Variants in PCDH15 observed in about 807,000 individuals in gnomAD.
PCDH15 encodes protocadherin related 15, also known as protocadherin-15.
A neutral mutation model predicts 178.5 loss-of-function variants in PCDH15; 129 were observed. The observed-to-expected ratio is 0.72, with a 90% CI of 0.63 to 0.84. The LOEUF is 0.84. Ranked by LOEUF, PCDH15 falls within the 40% of genes least tolerant of loss-of-function variation. The probability of loss-of-function intolerance (pLI) is 0.00; values close to 1 mark genes in which losing one functional copy is unlikely to be tolerated. For synonymous variants in PCDH15, 800 were observed against 732.0 expected, an observed-to-expected ratio of 1.09 and a Z score of -1.50; for missense variants, 2,230 against 2,099.9, an observed-to-expected ratio of 1.06 and a Z score of -1.21.
chr10:54,195,354 C>A (rs978970751), intron 11 of PCDH15, among the ~76,000 whole-genome samples: 1 of 151,976 alleles, frequency 6.6e-6, no homozygotes, highest in Admixed American at 6.6e-5. Context: ...GTAGTAACAC[C>A]ATTATTTTTG....
chr10:55,334,182 C>T (rs1844291967), intron 2 of PCDH15, among the ~76,000 whole-genome samples: 2 of 135,984 alleles, frequency 1.5e-5, no homozygotes, highest in South Asian at 4.5e-4. Flanking sequence ...ATTTAGTTTC[C>T]CGTATCTCAT....
intron 2 of PCDH15, among the ~76,000 whole-genome samples, chr10:54,980,847 T>C (rs1839216239): frequency 6.6e-6 from 1 of 152,110 alleles, no homozygotes; most frequent in South Asian, 2.1e-4. Context: ...GCTCTTGAGT[T>C]CATTTTTTCA....
At chr10:55,461,128 A>G (rs1367202880) in intron 2 of PCDH15, among the ~76,000 whole-genome samples, 1 of 152,126 alleles carries the variant, frequency 6.6e-6, no homozygotes, top group Non-Finnish European at 1.5e-5. Context: ...AGGTATTCAC[A>G]CTGATCGGTA....
At chr10:54,837,629 A>G (rs1370636874) in intron 3 of PCDH15, among the ~76,000 whole-genome samples, 5 of 152,174 alleles carry the variant, frequency 3.3e-5, no homozygotes, top group African/African-American at 1.2e-4. Context: ...TAAACTATGT[A>G]AATTAAAATG....
chr10:54,782,026 T>TA (rs1018628368), intron 1 of PCDH15, among the ~76,000 whole-genome samples: 5 of 152,228 alleles, frequency 3.3e-5, no homozygotes, highest in Admixed American at 6.5e-5. Flanking sequence ...TAAGGGGCTT[T>TA]AAAAAAAGCA....
chr10:54,392,187 G>A (rs189657198), intron 3 of PCDH15, among the ~76,000 whole-genome samples: 11 of 151,974 alleles, frequency 7.2e-5, no homozygotes, highest in South Asian at 2.1e-4. Flanking sequence ...TAATTTGGCC[G>A]GGCATGGCGG....
intron 2 of PCDH15, among the ~76,000 whole-genome samples, chr10:55,484,750 T>C (rs1840261579): frequency 1.3e-5 from 2 of 151,714 alleles, no homozygotes; most frequent in Admixed American, 6.6e-5. Flanking sequence ...AGCCAACTGA[T>C]TTTTGCCAAA....
At chr10:53,875,365 T>G (rs1451035370) in intron 26 of PCDH15, among the ~76,000 whole-genome samples, 1 of 151,894 alleles carries the variant, frequency 6.6e-6, no homozygotes, top group Non-Finnish European at 1.5e-5. Flanking sequence ...TTCTATAATT[T>G]ATTAATAGTA....
At chr10:55,177,862 C>T (rs1421627316) in intron 1 of PCDH15, among the ~76,000 whole-genome samples, 1 of 143,462 alleles carries the variant, frequency 7.0e-6, no homozygotes, top group Non-Finnish European at 1.6e-5. Flanking sequence ...ACTCTTTTTA[C>T]AGACGGATTT....
chr10:55,045,638 T>C (rs1840983783), intron 2 of PCDH15, among the ~76,000 whole-genome samples: 1 of 152,130 alleles, frequency 6.6e-6, no homozygotes, highest in South Asian at 2.1e-4. Flanking sequence ...CAATATAGTT[T>C]GACCAATACT....
rs554519872 is a variant in PCDH15 at position 54,371,494 on chromosome 10, C to T, written c.319-2219G>A. Among the ~76,000 whole-genome samples the T allele has an allele frequency of 1.2e-3, 181 of 151,892 alleles. 3 individuals carry two copies. In the Admixed American group the frequency reaches 0.012, roughly 10 times the overall value. Reference sequence around the variant, plus strand: ...TAACAACATATGATTTGTCAAATATCTAAATGGTTGTCATGGAAACATCCA... The same window carrying T: ...TAACAACATATGATTTGTCAAATATTTAAATGGTTGTCATGGAAACATCCA... On this transcript the variant is annotated intron_variant, in intron 4 of 37. Coordinates refer to ENST00000644397, the MANE Select transcript of PCDH15 (RefSeq NM_001384140.1).
At chr10:54,172,482 T>G (rs1253915749) in intron 13 of PCDH15, among the ~76,000 whole-genome samples, 1 of 152,136 alleles carries the variant, frequency 6.6e-6, no homozygotes, top group African/African-American at 2.4e-5. Flanking sequence ...GCCTGTTTGG[T>G]GGTCTCTTCA....
chr10:53,981,324 C>G (rs146885150), intron 21 of PCDH15, among the ~76,000 whole-genome samples: 237 of 152,286 alleles, frequency 1.6e-3, no homozygotes, highest in African/African-American at 5.4e-3. Context: ...TAATTAATTA[C>G]TACAGAAGGT....
intron 2 of PCDH15, among the ~76,000 whole-genome samples, chr10:55,431,931 G>C (rs1268777485): frequency 6.6e-6 from 1 of 152,000 alleles, no homozygotes; most frequent in Non-Finnish European, 1.5e-5. Context: ...TATATATATT[G>C]CTCCCAACAA....
intron 3 of PCDH15, among the ~76,000 whole-genome samples, chr10:54,426,619 C>A (rs1329247551): frequency 1.3e-5 from 2 of 152,098 alleles, no homozygotes; most frequent in Admixed American, 1.3e-4. Flanking sequence ...TCTTTCAGAT[C>A]TGCTGTTTGT....
chr10:54,450,697 A>G (rs2076431503), intron 3 of PCDH15, among the ~76,000 whole-genome samples: 3 of 151,900 alleles, frequency 2.0e-5, no homozygotes, highest in Non-Finnish European at 4.4e-5. Context: ...GGAATTTACT[A>G]GCTTCAATTG....
intron 14 of PCDH15, among the ~76,000 whole-genome samples, chr10:54,146,965 G>GTATATATATAGTGTA (rs2044021618): frequency 7.4e-6 from 1 of 135,142 alleles, no homozygotes; most frequent in African/African-American, 2.9e-5. Context: ...TATATATAAT[G>GTATATATATAGTGTA]TATATATATA....
chr10:54,397,915 G>T (rs1392375733), intron 3 of PCDH15, among the ~76,000 whole-genome samples: 1 of 151,758 alleles, frequency 6.6e-6, no homozygotes, highest in African/African-American at 2.4e-5. Context: ...AATAGGGGCA[G>T]GTTTCATGGT....
intron 23 of PCDH15, among the ~76,000 whole-genome samples, chr10:53,952,555 G>A (rs1296694215): frequency 6.6e-6 from 1 of 152,288 alleles, no homozygotes; most frequent in East Asian, 1.9e-4. Context: ...TAGGCAGCCT[G>A]GAGAAAGCAC....
Sources: allele counts gnomAD v4.1 joint callset (sites outside exome capture counted in the v4.1 genomes callset), GRCh38; gene constraint gnomAD v4.1.1; transcripts MANE v1.5; gene names NCBI Gene and HGNC (gene_info 2026-07-23, HGNC 2026-07-21).